Variants in BTBD8 observed in about 807,000 individuals in gnomAD.
BTBD8 encodes BTB/POZ domain-containing protein 8.
A neutral mutation model predicts 162.9 loss-of-function variants in BTBD8; 110 were observed. That is an observed-to-expected ratio of 0.68 (90% CI 0.58 to 0.79). The LOEUF is 0.79. Ranked by LOEUF, BTBD8 falls within the 30% of genes least tolerant of loss-of-function variation. The pLI is 0.00. For missense variants in BTBD8, 1,905 were observed against 2,085.4 expected, an observed-to-expected ratio of 0.91 and a Z score of 1.68; for synonymous variants, 667 against 716.1, an observed-to-expected ratio of 0.93 and a Z score of 1.10.
At chr1:92,093,074 TTAAAAGAAC>T (rs1648357990) in intron 2 of BTBD8, among the ~76,000 whole-genome samples, 1 of 152,136 alleles carries the variant, frequency 6.6e-6, no homozygotes, top group South Asian at 2.1e-4. Context: ...CCTGTGTTCA[TTAAAAGAAC>T]TTAATATACT....
chr1:92,177,562 G>A lies in BTBD8; in HGVS notation c.2353+16G>A, dbSNP rs1475791801. 1 of 1,441,990 alleles carries A rather than the reference G, an allele frequency of 6.9e-7. No homozygotes were observed. Among genetic ancestry groups the A allele is most frequent in the African/African-American group, 1.4e-5 (1 of 69,420 alleles). The allele number at this position is 1,441,990 out of a possible 1,614,324, so 89.3% of individuals were successfully genotyped here. A position where few individuals can be genotyped will look rare whatever the true frequency, so the allele number is the denominator to read the frequency against. On this transcript the variant is annotated intron_variant, in intron 14 of 17. Transcript: ENST00000636805. ...TCCACTGTAGGTGGGTTTTAGCACT[G>A]TAATTTTTAATATCTCCTGACAGTT...
chr1:92,098,510 CTG>C (rs1285500347), intron 2 of BTBD8, among the ~76,000 whole-genome samples: 1 of 152,110 alleles, frequency 6.6e-6, no homozygotes, highest in Admixed American at 6.6e-5. Context: ...TCCAAAATGA[CTG>C]TACCATTTTA....
At chr1:92,118,686 CA>C (rs1041147655) in intron 4 of BTBD8, among the ~76,000 whole-genome samples, 10 of 151,418 alleles carry the variant, frequency 6.6e-5, no homozygotes, top group Non-Finnish European at 4.4e-5. Flanking sequence ...TTCTTCTGCA[CA>C]AAAAACTTAC....
chr1:92,163,005 A>AATATAT (rs956054062), intron 9 of BTBD8, among the ~76,000 whole-genome samples: 1 of 151,730 alleles, frequency 6.6e-6, no homozygotes, highest in Admixed American at 6.6e-5. Flanking sequence ...TATTAAAACA[A>AATATAT]ATATATATAT....
intron 3 of BTBD8, among the ~76,000 whole-genome samples, chr1:92,104,614 T>C (rs1054066367): frequency 2.6e-5 from 4 of 152,234 alleles, no homozygotes; most frequent in Non-Finnish European, 5.9e-5. Context: ...GAAAAGAGCT[T>C]CTGCCTTTCG....
chr1:92,170,922 C>T (rs1490365141), intron 12 of BTBD8, among the ~76,000 whole-genome samples: 1 of 151,630 alleles, frequency 6.6e-6, no homozygotes, highest in Non-Finnish European at 1.5e-5. Context: ...TCTCTTTCCT[C>T]CTTCCTCATT....
intron 2 of BTBD8, among the ~76,000 whole-genome samples, chr1:92,100,754 C>A (rs1224154547): frequency 6.6e-6 from 1 of 151,896 alleles, no homozygotes; most frequent in Non-Finnish European, 1.5e-5. Flanking sequence ...GGATTACAGG[C>A]ACCCTGTACC....
chr1:92,083,376 A>G (rs1648077366), intron 1 of BTBD8, among the ~76,000 whole-genome samples: 2 of 152,076 alleles, frequency 1.3e-5, no homozygotes, highest in Non-Finnish European at 2.9e-5. Flanking sequence ...CAGTTGGTTC[A>G]TGTTTATTAT....
At chr1:92,095,136 T>C (rs1183547133) in intron 2 of BTBD8, among the ~76,000 whole-genome samples, 1 of 152,212 alleles carries the variant, frequency 6.6e-6, no homozygotes, top group African/African-American at 2.4e-5. Flanking sequence ...GACCCACCTA[T>C]ATATCCATTC....
At chr1:92,127,416 C>T in intron 4 of BTBD8, among the ~76,000 whole-genome samples, 1 of 152,108 alleles carries the variant, frequency 6.6e-6, no homozygotes, top group East Asian at 1.9e-4. Flanking sequence ...GAATTTGCTA[C>T]AACTAGATTC....
At chr1:92,157,782 C>T (rs1412847948) in intron 9 of BTBD8, among the ~76,000 whole-genome samples, 4 of 152,116 alleles carry the variant, frequency 2.6e-5, no homozygotes, top group South Asian at 2.1e-4. Flanking sequence ...TCTGGGATTA[C>T]AGGCACGAGC....
intron 5 of BTBD8, among the ~76,000 whole-genome samples, chr1:92,134,359 AAGACC>A (rs2101934188): frequency 6.6e-6 from 1 of 152,346 alleles, no homozygotes; most frequent in South Asian, 2.1e-4. Context: ...CATGACCTGC[AAGACC>A]CTCCATGATC....
At chr1:92,102,225 G>C (rs529611761) in intron 2 of BTBD8, among the ~76,000 whole-genome samples, 5 of 151,936 alleles carry the variant, frequency 3.3e-5, no homozygotes, top group African/African-American at 1.2e-4. Context: ...CGCCATGTTG[G>C]CCAGGCTGAT....
chr1:92,175,899 T>G (rs949306239), intron 13 of BTBD8, among the ~76,000 whole-genome samples: 11 of 152,216 alleles, frequency 7.2e-5, no homozygotes, highest in African/African-American at 2.4e-4. Flanking sequence ...CCCTTTCATA[T>G]CAAGGTTGGT....
Position 92,118,574 on chromosome 1 carries a change from C to T in BTBD8, c.662+10573C>T, listed in dbSNP as rs1182491028. Among the ~76,000 whole-genome samples the T allele has an allele frequency of 2.0e-5, 3 of 151,908 alleles. No individual in the cohort carries two copies. In the East Asian group the frequency reaches 5.8e-4, roughly 29 times the overall value. ...CCTCACTTCCCATTTCCAGACTCTG[C>T]TCTCTGGAAGGAAGTCACTGTGTGT... On this transcript the variant is annotated intron_variant, in intron 4 of 17. Coordinates refer to ENST00000636805, the MANE Select transcript of BTBD8 (RefSeq NM_001376131.1).
intron 2 of BTBD8, among the ~76,000 whole-genome samples, chr1:92,093,370 T>G (rs188260381): frequency 2.4e-4 from 37 of 152,154 alleles, no homozygotes; most frequent in African/African-American, 8.7e-4. Context: ...TTTTGTATTT[T>G]TAGTAGAGAC....
In BTBD8 at chr1:92,102,664, C is replaced by A; in HGVS notation, c.539C>A (p.Ser180Tyr). 1 of 1,475,308 alleles carries A rather than the reference C, an allele frequency of 6.8e-7. No individual in the cohort carries two copies. Among genetic ancestry groups the A allele is most frequent in the Non-Finnish European group, 9.0e-7 (1 of 1,108,192 alleles). 91.4% of individuals were successfully genotyped at this position (1,475,308 alleles called of 1,614,324 possible). A position where few individuals can be genotyped will look rare whatever the true frequency, so the allele number is the denominator to read the frequency against. The change falls in exon 3 of 18, where the codon TCC (serine) becomes TAC (tyrosine). Residue 180 changes from serine (S) to tyrosine (Y), a missense_variant. By Grantham distance (144) the Ser-to-Tyr change is moderately radical. This residue lies in a region of BTBD8 where 1,374 missense variants were observed against 1,442.7 expected (regional missense o/e 0.95). Coordinates refer to ENST00000636805, the MANE Select transcript of BTBD8 (RefSeq NM_001376131.1). Reference protein sequence around the residue: ...DISDRDDDFISNDNYDLEPAS... With the variant: ...DISDRDDDFIYNDNYDLEPAS... ...AGTGACAGAGATGATGATTTCATTT[C>A]CAATGGTGAGGTATTTTTTATGGAG... is the stretch of plus-strand genomic sequence containing the variant.
intron 11 of BTBD8, 103 bp from the exon 12 acceptor site, chr1:92,168,763 A>C: frequency 9.2e-7 from 1 of 1,084,880 alleles, no homozygotes; most frequent in Non-Finnish European, 1.2e-6. Flanking sequence ...AAATGATGAC[A>C]TCATTGATCT....
Position 92,184,103 on chromosome 1 carries a change from G to T in BTBD8, c.5152G>T (p.Val1718Phe), listed in dbSNP as rs936408215. The T allele has an allele frequency of 6.4e-7, 1 of 1,551,612 alleles. No homozygotes were observed. Among genetic ancestry groups the T allele is most frequent in the East Asian group, 2.4e-5 (1 of 40,920 alleles). ...TTCAAACTTAGATGTTACAAATTCC[G>T]TTCCTGAAGACTTAAGTTTAGCACA... ...QDSNLDVTNS[V>F]PEDLSLAQYL... Residue 1718 changes from valine to phenylalanine, a missense_variant, in exon 18 of 18, where the codon GTT (valine) becomes TTT (phenylalanine). Val to Phe is a conservative substitution (Grantham distance 50). This residue lies in a region of BTBD8 where 517 missense variants were observed against 606.6 expected (regional missense o/e 0.85). Transcript: ENST00000636805.
Sources: allele counts gnomAD v4.1 joint callset (sites outside exome capture counted in the v4.1 genomes callset), GRCh38; gene constraint gnomAD v4.1.1; regional missense constraint gnomAD v4.1.1; transcripts MANE v1.5; gene names NCBI Gene and HGNC (gene_info 2026-07-23, HGNC 2026-07-21).